Variants in LRP5 observed in about 807,000 individuals in gnomAD.
LRP5 encodes the protein low-density lipoprotein receptor-related protein 5.
In LRP5, 62 loss-of-function variants were observed where a neutral mutation model predicts 154.1. The observed-to-expected ratio is 0.40, with a 90% confidence interval of 0.33 to 0.50. LRP5 has a LOEUF of 0.50. Ranked by LOEUF, LRP5 falls within the 20% of genes least tolerant of loss-of-function variation. The probability of loss-of-function intolerance (pLI) is 0.55; values close to 1 mark genes in which losing one functional copy is unlikely to be tolerated. For missense variants in LRP5, 1,915 were observed against 2,336.7 expected, an observed-to-expected ratio of 0.82 and a Z score of 3.72; for synonymous variants, 966 against 1,011.5, an observed-to-expected ratio of 0.96 and a Z score of 0.85.
Position 68,423,787 on chromosome 11 carries a change from A to C in LRP5, c.3236+90A>C. ...AATGCCAGCCTCTCACAGGCTGGGG[A>C]GACTTTCCACCCTGGGGATCCAATG... is the stretch of plus-strand genomic sequence containing the variant. On this transcript the variant is annotated intron_variant, in intron 14 of 22. Transcript: ENST00000294304. The surrounding 1 kb of genome is among the most constrained non-coding windows in gnomAD (Gnocchi z 4.7). The C allele has an allele frequency of 1.5e-6, 2 of 1,320,716 alleles. No homozygotes were observed. Among genetic ancestry groups the C allele is most frequent in the Non-Finnish European group, 2.1e-6 (2 of 951,264 alleles). 81.8% of individuals were successfully genotyped at this position (1,320,716 alleles called of 1,614,324 possible).
intron 5 of LRP5, among the ~76,000 whole-genome samples, chr11:68,372,064 T>C (rs2098634319): frequency 6.6e-6 from 1 of 152,238 alleles, no homozygotes; most frequent in African/African-American, 2.4e-5. Context: ...CGAAGGAGGC[T>C]GTGCTGGTGG....
intron 2 of LRP5, among the ~76,000 whole-genome samples, chr11:68,354,113 C>T (rs2098621070): frequency 6.6e-6 from 1 of 152,238 alleles, no homozygotes; most frequent in African/African-American, 2.4e-5. Context: ...ACCCAACCCC[C>T]TCTTTAAAAT....
intron 1 of LRP5, among the ~76,000 whole-genome samples, chr11:68,328,979 A>C (rs2098601256): frequency 6.6e-6 from 1 of 152,132 alleles, no homozygotes; most frequent in Non-Finnish European, 1.5e-5. Flanking sequence ...GGGGTACCTG[A>C]GGGATCCGTG....
At chr11:68,362,194 C>T (rs906619792) in intron 3 of LRP5, among the ~76,000 whole-genome samples, 10 of 152,172 alleles carry the variant, frequency 6.6e-5, no homozygotes, top group Non-Finnish European at 1.5e-4. Context: ...ATTGTGATTC[C>T]GTTTATATGA....
At chr11:68,365,728 G>T in intron 5 of LRP5, 26 bp downstream of exon 5, 3 of 1,238,348 alleles carry the variant, frequency 2.4e-6, no homozygotes, top group East Asian at 5.3e-5. Context: ...GGGACGGGGC[G>T]GGCGGGCGGG....
At position 68,413,953 on chromosome 11, in the gene LRP5, G is replaced by T; in HGVS notation, c.2768G>T (p.Gly923Val). Residue 923 changes from glycine to valine, a missense_variant, in exon 12 of 23, where the codon GGC (glycine) becomes GTC (valine). By Grantham distance (109) the Gly-to-Val change is moderately radical. Coordinates refer to ENST00000294304, the MANE Select transcript of LRP5 (RefSeq NM_002335.4). The surrounding 1 kb of genome is among the most constrained non-coding windows in gnomAD (Gnocchi z 5.1). ...CAGCTGTGCCTTGCCATCCCCGGCG[G>T]CCACCGCTGCGGCTGCGCCTCACAC... ...CGQLCLAIPGGHRCGCASHYT... is the reference protein window; with the variant it reads ...CGQLCLAIPGVHRCGCASHYT... 1 of 1,608,680 alleles carries T rather than the reference G, an allele frequency of 6.2e-7. No homozygotes were observed.
Position 68,347,849 on chromosome 11 carries a change from T to A in LRP5, c.94T>A (p.Ser32Thr). 1 of 1,613,238 alleles carries A rather than the reference T, an allele frequency of 6.2e-7. No homozygotes were observed. ...CACGGTTTGCTTCTGCCCCACAGCC[T>A]CGCCGCTCCTGCTATTTGCCAACCG... ...LCGCPAPAAA[S>T]PLLLFANRRD... Residue 32 changes from serine (S) to threonine (T), a missense_variant and splice_region_variant, in exon 2 of 23, where the codon TCG becomes ACG. Ser to Thr is a moderately conservative substitution (Grantham distance 58). Around this residue, in one of 3 missense-constraint regions of LRP5, gnomAD observed 773 missense variants for 1,100.9 expected, o/e 0.70. Coordinates refer to ENST00000294304, the MANE Select transcript of LRP5 (RefSeq NM_002335.4).
At chr11:68,373,821 C>T (rs555184096) in intron 5 of LRP5, among the ~76,000 whole-genome samples, 176 of 152,376 alleles carry the variant, frequency 1.2e-3, no homozygotes, top group Non-Finnish European at 1.3e-3. Context: ...ACTGCCACCC[C>T]TCCAGCCCCA....
the LRP5 span, among the ~76,000 whole-genome samples, chr11:68,305,315 C>T: frequency 1.3e-5 from 2 of 151,958 alleles, no homozygotes; most frequent in South Asian, 2.1e-4. Context: ...CTGCCTTCCA[C>T]GATGAGTAAA....
chr11:68,368,025 G>A lies in LRP5; in HGVS notation c.1015+2323G>A, dbSNP rs553675393. ...GGTTGCACTGAGCCAAGATCATGCC[G>A]CTATACTCCAGCCTGGGCAACAGAG... On this transcript the variant is annotated intron_variant, in intron 5 of 22. Transcript: ENST00000294304. Among the ~76,000 whole-genome samples, 31 of 146,372 alleles carry A rather than the reference G, an allele frequency of 2.1e-4. No homozygotes were observed. In the South Asian group the frequency reaches 6.2e-3, roughly 29 times the overall value.
At chr11:68,425,431 A>C (rs2098668216) in intron 15 of LRP5, 139 bp downstream of exon 15, 1 of 878,558 alleles carries the variant, frequency 1.1e-6, no homozygotes, top group Admixed American at 2.1e-5. Flanking sequence ...TTTTGTCCTC[A>C]CACTGACAGC....
intron 1 of LRP5, among the ~76,000 whole-genome samples, chr11:68,338,283 T>C (rs868034894): frequency 1.2e-4 from 18 of 152,244 alleles, no homozygotes; most frequent in Admixed American, 3.9e-4. Flanking sequence ...AGCAAAGGAT[T>C]GGGTTACCTT....
chr11:68,414,721 T>C (rs946726441), intron 12 of LRP5, among the ~76,000 whole-genome samples: 3 of 152,244 alleles, frequency 2.0e-5, no homozygotes, highest in Non-Finnish European at 4.4e-5. Context: ...AAGCTCTTTG[T>C]CATCCAGGCC....
upstream of LRP5, among the ~76,000 whole-genome samples, chr11:68,312,185 T>C (rs2098588405): frequency 6.6e-6 from 1 of 152,190 alleles, no homozygotes; most frequent in Admixed American, 6.5e-5. Context: ...TTCTCTGCCC[T>C]CCACAGGTGA....
intron 6 of LRP5, among the ~76,000 whole-genome samples, chr11:68,388,934 C>G (rs1441380856): frequency 6.6e-6 from 1 of 152,226 alleles, no homozygotes; most frequent in African/African-American, 2.4e-5. Flanking sequence ...CTACTGACAC[C>G]AACATTTACA....
chr11:68,423,579 T>C lies in LRP5; in HGVS notation c.3118T>C (p.Trp1040Arg). The change falls in exon 14 of 23, where the codon TGG (tryptophan) becomes CGG (arginine). Residue 1040 changes from tryptophan to arginine, a missense_variant. Physicochemically the swap from Trp to Arg is moderately radical, Grantham distance 101 (BLOSUM62 -3). Coordinates refer to ENST00000294304, the MANE Select transcript of LRP5 (RefSeq NM_002335.4). The surrounding 1 kb of genome is among the most constrained non-coding windows in gnomAD (Gnocchi z 4.7). ...CGACATCTACAGCCGGACACTGTTC[T>C]GGACGTGCGAGGCCACCAATACCAT... is the stretch of plus-strand genomic sequence containing the variant. ...SIDIYSRTLF[W>R]TCEATNTINV... 1.2e-6 allele frequency: 2 copies of C among 1,614,246 alleles called. No homozygotes were observed. Among genetic ancestry groups the C allele is most frequent in the Non-Finnish European group, 1.7e-6 (2 of 1,180,032 alleles).
intron 1 of LRP5, among the ~76,000 whole-genome samples, chr11:68,340,043 C>G (rs984917332): frequency 3.3e-5 from 5 of 152,070 alleles, no homozygotes; most frequent in Non-Finnish European, 5.9e-5. Context: ...GAGTTCGAGA[C>G]CAGCCTGACC....
At chr11:68,305,404 C>T in the LRP5 span, among the ~76,000 whole-genome samples, 3 of 152,014 alleles carry the variant, frequency 2.0e-5, no homozygotes, top group Non-Finnish European at 4.4e-5. Flanking sequence ...AGCCAGTTAA[C>T]CCCTTTCTTT....
At chr11:68,318,198 G>C (rs965305897) in intron 1 of LRP5, among the ~76,000 whole-genome samples, 1 of 151,772 alleles carries the variant, frequency 6.6e-6, no homozygotes, top group Non-Finnish European at 1.5e-5. Context: ...GGAACTACAG[G>C]CACCCGCCAC....
Sources: gnomAD v4.1 joint callset for allele counts (sites outside exome capture counted in the v4.1 genomes callset) on GRCh38, gnomAD v4.1.1 for gene constraint, gnomAD v4.1.1 regional missense constraint, Gnocchi (gnomAD v3.1) non-coding constraint, MANE v1.5 for transcripts, NCBI Gene and HGNC (gene_info 2026-07-23, HGNC 2026-07-21) for gene names.